The following TECTA variants were observed in gnomAD, a reference collection of about 807,000 sequenced individuals.
TECTA encodes the protein alpha-tectorin.
Under a neutral mutation model 216.8 loss-of-function variants are expected in TECTA, and 128 were observed. That is an observed-to-expected ratio of 0.59 (90% CI 0.51 to 0.68). TECTA has a LOEUF of 0.68. Ranked by LOEUF, TECTA falls within the 30% of genes least tolerant of loss-of-function variation. The pLI is 0.00. For missense variants in TECTA, 2,551 were observed against 2,786.2 expected (o/e 0.92, Z 1.90); for synonymous variants, 1,089 against 1,117.1 (o/e 0.97, Z 0.50).
chr11:121,119,502 A>G (rs1339142456), intron 7 of TECTA, among the ~76,000 whole-genome samples: 1 of 152,234 alleles, frequency 6.6e-6, no homozygotes, highest in Non-Finnish European at 1.5e-5. Context: ...AAAAGCTACT[A>G]GCAATTACTC....
intron 19 of TECTA, chr11:121,168,469 G>A (rs996613655): frequency 3.8e-5 from 34 of 883,218 alleles, no homozygotes; most frequent in East Asian, 1.1e-4. Context: ...AGGGGGCTGC[G>A]GAATTGAATT....
chr11:121,158,355 AC>A, intron 14 of TECTA, 131 bp downstream of exon 14: 1 of 1,280,636 alleles, frequency 7.8e-7, no homozygotes, highest in Non-Finnish European at 1.1e-6. Flanking sequence ...ACACACAGTG[AC>A]CAGGTTTTAA....
Position 121,130,142 on chromosome 11 carries a change from G to A in TECTA, c.2872G>A (p.Ala958Thr), listed in dbSNP as rs1397397490. Reference protein sequence around the residue: ...GNESELCDSVARYASACKNAD... With the variant: ...GNESELCDSVTRYASACKNAD... ...TGAGTCAGAGCTCTGTGACTCTGTG[G>A]CCCGGTATGCAAGCGCCTGCAAGAA... The change falls in exon 10 of 24, where the codon GCC becomes ACC. Residue 958 changes from alanine (A) to threonine (T), a missense_variant. This residue lies in a region of TECTA where 2,375 missense variants were observed against 2,563.9 expected (regional missense o/e 0.93). Transcript: ENST00000392793. 2.5e-5 allele frequency: 40 copies of A among 1,609,506 alleles called. No homozygotes were observed. In the Admixed American group the frequency reaches 6.7e-4, roughly 27 times the overall value.
intron 8 of TECTA, among the ~76,000 whole-genome samples, chr11:121,126,972 G>A (rs777788002): frequency 3.3e-5 from 5 of 152,140 alleles, no homozygotes; most frequent in Admixed American, 2.0e-4. Context: ...TCTACATTTC[G>A]CTTTCTTTTC....
Position 121,153,100 on chromosome 11 carries a change from C to G in TECTA, c.4305+20C>G. 1 of 1,603,968 alleles carries G rather than the reference C, an allele frequency of 6.2e-7. No homozygotes were observed. Among genetic ancestry groups the G allele is most frequent in the Middle Eastern group, 1.8e-4 (1 of 5,560 alleles). ...TACGAGGTATGGGAGGCCAGCCCGG[C>G]CTTTTCCTCCTTGCCAATGATCAGA... On this transcript the variant is annotated intron_variant, in intron 13 of 23. Coordinates refer to ENST00000392793, the MANE Select transcript of TECTA (RefSeq NM_005422.4).
chr11:121,125,264 C>T, intron 7 of TECTA, 38 bp from the exon 8 acceptor site: 4 of 1,598,796 alleles, frequency 2.5e-6, no homozygotes, highest in Non-Finnish European at 2.6e-6. Flanking sequence ...TGCCTGGGCA[C>T]CTGCTCACCT....
rs955633549 is a variant in TECTA, at chr11:121,127,503, A to C, written c.1775-249A>C. 2.0e-5 allele frequency among the ~76,000 whole-genome samples: 3 copies of C among 152,166 alleles called. No homozygotes were observed. The highest frequency in any genetic ancestry group is 7.2e-5 in the African/African-American group (3 of 41,444). On this transcript the variant is annotated intron_variant, in intron 8 of 23. Coordinates refer to ENST00000392793, the MANE Select transcript of TECTA (RefSeq NM_005422.4). This position sits in a 1 kb window ranked among gnomAD's most constrained non-coding sequence, Gnocchi z 5.0. ...GTAGTCTAGAAAGGATGGCATCCTG[A>C]AAGTTTAATTTTAGTCAAGATGATC...
At chr11:121,166,493 G>A in intron 17 of TECTA, 85 bp from the exon 18 acceptor site, 2 of 1,417,460 alleles carry the variant, frequency 1.4e-6, no homozygotes, top group Non-Finnish European at 2.0e-6. Flanking sequence ...TCTTCTAAAG[G>A]AGAATGGAAA....
intron 9 of TECTA, 60 bp downstream of exon 9, chr11:121,128,404 G>A: frequency 5.2e-6 from 8 of 1,526,484 alleles, no homozygotes; most frequent in Admixed American, 1.8e-5. Context: ...GGAGGAGCTC[G>A]CCATCCTCTT....
intron 11 of TECTA, among the ~76,000 whole-genome samples, chr11:121,143,707 A>G (rs1437752542): frequency 6.6e-6 from 1 of 152,248 alleles, no homozygotes; most frequent in Admixed American, 6.5e-5. Flanking sequence ...TACTCACAGA[A>G]GAGCAGATAG....
At chr11:121,138,158 T>G in intron 11 of TECTA, 136 bp downstream of exon 11, 1 of 1,260,964 alleles carries the variant, frequency 7.9e-7, no homozygotes, top group Non-Finnish European at 1.1e-6. Context: ...AGAGAGGCCC[T>G]AGAGATTTTC....
chr11:121,130,683 T>C (rs1591445775), intron 10 of TECTA, among the ~76,000 whole-genome samples: 1 of 152,180 alleles, frequency 6.6e-6, no homozygotes, highest in East Asian at 1.9e-4. Context: ...TTTAATTTTG[T>C]CCCGAAAGTA....
intron 20 of TECTA, among the ~76,000 whole-genome samples, chr11:121,173,661 T>G (rs1211557881): frequency 6.8e-5 from 10 of 148,134 alleles, no homozygotes; most frequent in African/African-American, 2.3e-4. Context: ...TAGGATTGAC[T>G]TGGTGATGTG....
chr11:121,145,426 T>C, intron 11 of TECTA, 129 bp from the exon 12 acceptor site: 1 of 900,362 alleles, frequency 1.1e-6, no homozygotes, highest in South Asian at 1.4e-5. Context: ...CAACAGTACA[T>C]GCAAAGACTG....
In TECTA at chr11:121,189,964, G is replaced by A. The variant is rs1426410227; in HGVS notation, c.6367+84G>A. ...CAGAAGGAGAAATTCAGATTTGAAG[G>A]CCACTCGGTCAGCAACTCTCCCTCG... On this transcript the variant is annotated intron_variant, in intron 23 of 23. Coordinates refer to ENST00000392793, the MANE Select transcript of TECTA (RefSeq NM_005422.4). The A allele has an allele frequency of 7.8e-6, 9 of 1,152,738 alleles. No homozygotes were observed. In the South Asian group the frequency reaches 8.7e-5, roughly 11 times the overall value. 71.4% of individuals were successfully genotyped at this position (1,152,738 alleles called of 1,614,324 possible). A position where few individuals can be genotyped will look rare whatever the true frequency, so the allele number is the denominator to read the frequency against.
In TECTA at chr11:121,165,357, G is replaced by T; in HGVS notation, c.5357G>T (p.Cys1786Phe). 1 of 1,599,684 alleles carries T rather than the reference G, an allele frequency of 6.3e-7. No individual in the cohort carries two copies. The highest frequency in any genetic ancestry group is 1.1e-5 in the South Asian group (1 of 87,958). The change falls in exon 17 of 24, where the codon TGC becomes TTC. Residue 1786 changes from cysteine (C) to phenylalanine (F), a missense_variant. Coordinates refer to ENST00000392793, the MANE Select transcript of TECTA (RefSeq NM_005422.4). ...GGCAATGGCAGGGAGCTGTGTGGCT[G>T]CATCGAGCCACCCCCCTATGGAAAT... is the stretch of plus-strand genomic sequence containing the variant. ...ELGNGRELCGCIEPPPYGNNS... is the reference protein window; with the variant it reads ...ELGNGRELCGFIEPPPYGNNS...
rs772636065 is a variant in TECTA, at chr11:121,125,813, C to A, written c.1715C>A (p.Ala572Asp). Residue 572 changes from alanine to aspartate, a missense_variant, in exon 8 of 24, where the codon GCT becomes GAT. By Grantham distance (126) the Ala-to-Asp change is moderately radical. This residue lies in a region of TECTA where 2,375 missense variants were observed against 2,563.9 expected (regional missense o/e 0.93). Coordinates refer to ENST00000392793, the MANE Select transcript of TECTA (RefSeq NM_005422.4). Reference protein sequence around the residue: ...TLLCQAIQAYALVCQALGIPI... With the variant: ...TLLCQAIQAYDLVCQALGIPI... Reference sequence around the variant, plus strand: ...CTCTGCCAAGCCATCCAGGCCTATGCTCTTGTGTGCCAAGCCCTTGGCATT... The same window carrying A: ...CTCTGCCAAGCCATCCAGGCCTATGATCTTGTGTGCCAAGCCCTTGGCATT... The A allele has an allele frequency of 3.7e-6, 6 of 1,613,644 alleles. No individual in the cohort carries two copies. Among genetic ancestry groups the A allele is most frequent in the Admixed American group, 1.7e-5 (1 of 60,008 alleles).
At chr11:121,144,246 A>C (rs1163932508) in intron 11 of TECTA, among the ~76,000 whole-genome samples, 6 of 152,162 alleles carry the variant, frequency 3.9e-5, no homozygotes, top group African/African-American at 1.2e-4. Flanking sequence ...CACTTTACTC[A>C]AGCCCTGGAG....
chr11:121,155,556 G>A (rs1946932877), intron 13 of TECTA, among the ~76,000 whole-genome samples: 1 of 152,168 alleles, frequency 6.6e-6, no homozygotes, highest in Non-Finnish European at 1.5e-5. Context: ...ACTTGTTCTG[G>A]AAGATCTCCT....
Sources: gnomAD v4.1 joint callset for allele counts (sites outside exome capture counted in the v4.1 genomes callset) on GRCh38, gnomAD v4.1.1 for gene constraint, gnomAD v4.1.1 regional missense constraint, Gnocchi (gnomAD v3.1) non-coding constraint, MANE v1.5 for transcripts, NCBI Gene and HGNC (gene_info 2026-07-23, HGNC 2026-07-21) for gene names.